Variants in RARB observed in about 807,000 individuals in gnomAD.
RARB encodes the protein retinoic acid receptor beta, also known as HBV-activated protein.
In RARB, 17 loss-of-function variants were observed where a neutral mutation model predicts 51.9. The ratio of observed to expected loss-of-function variants is 0.33; its 90% CI spans 0.22 to 0.49. RARB has a LOEUF of 0.49. RARB is among the 20% of genes least tolerant of loss of function. The pLI, the probability that RARB is intolerant of heterozygous loss-of-function variation, is 0.99. For synonymous variants in RARB, 215 were observed against 195.4 expected, an observed-to-expected ratio of 1.10 and a Z score of -0.84; for missense variants, 369 against 550.8, an observed-to-expected ratio of 0.67 and a Z score of 3.30.
At chr3:25,377,545 G>T (rs1706502508) in intron 5 of RARB, among the ~76,000 whole-genome samples, 1 of 152,182 alleles carries the variant, frequency 6.6e-6, no homozygotes, top group African/African-American at 2.4e-5. Flanking sequence ...TTACCAACCA[G>T]AGTTAAATTA....
At chr3:25,113,243 T>A (rs1699632425) in intron 3 of RARB, among the ~76,000 whole-genome samples, 1 of 152,184 alleles carries the variant, frequency 6.6e-6, no homozygotes, top group African/African-American at 2.4e-5. Flanking sequence ...TTCTGCATTT[T>A]CTTCAGGAAT....
intron 5 of RARB, among the ~76,000 whole-genome samples, chr3:25,347,655 G>C (rs1705434749): frequency 6.6e-6 from 1 of 152,168 alleles, no homozygotes; most frequent in African/African-American, 2.4e-5. Flanking sequence ...TTCAGGTTTA[G>C]ACATTTTGTA....
At chr3:25,374,316 A>T (rs1263955403) in intron 5 of RARB, among the ~76,000 whole-genome samples, 1 of 152,206 alleles carries the variant, frequency 6.6e-6, no homozygotes. Flanking sequence ...CAGTTATCAC[A>T]AACCAGAATT....
intron 2 of RARB, among the ~76,000 whole-genome samples, chr3:24,880,519 T>A (rs1575051136): frequency 6.6e-6 from 1 of 152,158 alleles, no homozygotes; most frequent in Non-Finnish European, 1.5e-5. Flanking sequence ...CTTAATGATA[T>A]GTAAAGAGAT....
At chr3:25,058,565 T>C in intron 2 of RARB, among the ~76,000 whole-genome samples, 1 of 150,922 alleles carries the variant, frequency 6.6e-6, no homozygotes, top group East Asian at 2.0e-4. Flanking sequence ...TAAGTACAGT[T>C]ATTACAACTT....
chr3:25,426,794 T>C (rs1708005387), upstream of RARB, among the ~76,000 whole-genome samples: 1 of 152,250 alleles, frequency 6.6e-6, no homozygotes, highest in African/African-American at 2.4e-5. Flanking sequence ...GCAAAATGGC[T>C]GCAGGGTAGA....
intron 3 of RARB, among the ~76,000 whole-genome samples, chr3:25,112,582 G>A (rs1388310744): frequency 6.6e-6 from 1 of 152,044 alleles, no homozygotes; most frequent in East Asian, 1.9e-4. Flanking sequence ...TTTGAGACCA[G>A]CCTGGGCCAC....
intron 3 of RARB, among the ~76,000 whole-genome samples, chr3:25,084,003 C>T (rs2062487): frequency 0.89 from 134,995 of 152,228 alleles, 60,194 homozygotes; most frequent in African/African-American, 0.97. Context: ...GTTCATCTTC[C>T]AGCCCCTCAG....
At chr3:25,354,441 A>G (rs565957633) in intron 5 of RARB, among the ~76,000 whole-genome samples, 2 of 152,044 alleles carry the variant, frequency 1.3e-5, no homozygotes, top group East Asian at 3.9e-4. Flanking sequence ...ACTTATATCA[A>G]CATCCTCTTG....
intron 5 of RARB, among the ~76,000 whole-genome samples, chr3:25,216,699 G>GTT (rs552371017): frequency 6.9e-6 from 1 of 145,210 alleles, no homozygotes; most frequent in African/African-American, 2.5e-5. Context: ...CGTGTATCCT[G>GTT]TTTTTTTTTT....
chr3:25,181,519 A>C (rs1208440188), intron 5 of RARB, among the ~76,000 whole-genome samples: 1 of 152,146 alleles, frequency 6.6e-6, no homozygotes, highest in Non-Finnish European at 1.5e-5. Context: ...GTAGAGATTT[A>C]GTGGGCAGAA....
chr3:24,885,936 C>A (rs549613128), intron 2 of RARB, among the ~76,000 whole-genome samples: 1 of 151,918 alleles, frequency 6.6e-6, no homozygotes, highest in Non-Finnish European at 1.5e-5. Flanking sequence ...TTATATGCCA[C>A]CTACTCATAT....
rs191287661 is a variant in RARB, at chr3:25,532,015, G to T, written c.448+30692G>T. Among the ~76,000 whole-genome samples the T allele has an allele frequency of 7.0e-4, 106 of 152,232 alleles. 1 individual carries two copies. The highest frequency in any genetic ancestry group is 2.4e-3 in the African/African-American group (98 of 41,542). On this transcript the variant is annotated intron_variant, in intron 3 of 7. Transcript: ENST00000330688. ...GGGTGGGGAGGGGAGATTTTGAGCT[G>T]TGCAGTTTTAATGAAATGTTTAAGG... is the stretch of plus-strand genomic sequence containing the variant.
intron 2 of RARB, among the ~76,000 whole-genome samples, chr3:25,031,215 C>A (rs1361517771): frequency 6.6e-6 from 1 of 152,130 alleles, no homozygotes; most frequent in Non-Finnish European, 1.5e-5. Context: ...ATCCTTGGGA[C>A]AAAAGTGCTT....
intron 2 of RARB, among the ~76,000 whole-genome samples, chr3:25,500,454 G>GTTTTT (rs753321842): frequency 1.5e-5 from 1 of 66,144 alleles, no homozygotes; most frequent in Non-Finnish European, 2.9e-5. Context: ...TTCTTTTCTT[G>GTTTTT]TTTTTTTTTT....
At chr3:25,483,889 G>A (rs59942441) in intron 2 of RARB, among the ~76,000 whole-genome samples, 1,795 of 152,224 alleles carry the variant, frequency 0.012, 32 homozygotes, top group African/African-American at 0.041. Flanking sequence ...GCTAATTATC[G>A]TTCTCAAGTG....
chr3:24,921,703 G>A (rs1245793261), intron 2 of RARB, among the ~76,000 whole-genome samples: 2 of 152,104 alleles, frequency 1.3e-5, no homozygotes, highest in African/African-American at 4.8e-5. Flanking sequence ...TGCTACACTA[G>A]TCCTCATCTT....
chr3:25,166,757 T>G (rs1700567740), intron 4 of RARB, among the ~76,000 whole-genome samples: 2 of 152,162 alleles, frequency 1.3e-5, no homozygotes, highest in Admixed American at 1.3e-4. Context: ...TCTCACCATT[T>G]CAAAGTGTTT....
chr3:25,115,317 T>A (rs11129180), intron 3 of RARB, among the ~76,000 whole-genome samples: 1 of 152,130 alleles, frequency 6.6e-6, no homozygotes, highest in South Asian at 2.1e-4. Context: ...AGTGTTTTCT[T>A]TGTCTTAGTA....
Sources: allele counts gnomAD v4.1 joint callset (sites outside exome capture counted in the v4.1 genomes callset), GRCh38; gene constraint gnomAD v4.1.1; transcripts MANE v1.5; gene names NCBI Gene and HGNC (gene_info 2026-07-23, HGNC 2026-07-21).